Variants in HJURP observed in about 807,000 individuals in gnomAD.
HJURP encodes the protein Holliday junction recognition protein, also known as 14-3-3-associated AKT substrate.
HJURP carries 49 observed loss-of-function variants against 72.0 expected under a neutral mutation model. That is an observed-to-expected ratio of 0.68 (90% confidence interval 0.54 to 0.86). The LOEUF (loss-of-function observed/expected upper bound fraction) is 0.86, where lower values mean the gene tolerates loss of function less well. HJURP is among the 40% of genes least tolerant of loss of function. HJURP has a pLI of 0.00. For synonymous variants in HJURP, 357 were observed against 347.1 expected (o/e 1.03, Z -0.32); for missense variants, 908 against 936.3 (o/e 0.97, Z 0.39).
In HJURP at chr2:233,837,647, T is replaced by G; in HGVS notation, c.2177A>C (p.Glu726Ala). The change falls in exon 9 of 9, where the codon GAG becomes GCG. Residue 726 changes from glutamate to alanine, a missense_variant. Physicochemically the swap from Glu to Ala is moderately radical, Grantham distance 107. Around this residue, in one of 3 missense-constraint regions of HJURP, gnomAD observed 598 missense variants for 619.5 expected, o/e 0.97. Transcript: ENST00000411486. Reference protein sequence around the residue: ...SSQPNSEERGENTSYRMEEKS... With the variant: ...SSQPNSEERGANTSYRMEEKS... ...CTCTTCCATCCTGTAAGACGTGTTC[T>G]CTCCTCTAGGAAAAAAAAAAGACAA... The G allele has an allele frequency of 2.5e-6, 4 of 1,597,916 alleles. No individual in the cohort carries two copies. The South Asian group carries it at 3.4e-5, about 14-fold the overall frequency.
chr2:233,850,860 ATT>A (rs1422677913), intron 3 of HJURP, among the ~76,000 whole-genome samples: 3 of 152,204 alleles, frequency 2.0e-5, no homozygotes, highest in Admixed American at 6.5e-5. Context: ...GAACCCAGGC[ATT>A]GTGTTATAAC....
In HJURP at chr2:233,846,457, A is replaced by G. The variant is rs1213919249; in HGVS notation, c.403-637T>C. Among the ~76,000 whole-genome samples, 1 of 152,090 alleles carries G rather than the reference A, an allele frequency of 6.6e-6. No homozygotes were observed. Among genetic ancestry groups the G allele is most frequent in the Non-Finnish European group, 1.5e-5 (1 of 68,028 alleles). ...ACAGAGTGAAACTCCATCTCAAAAGAACCAAAAACAAAAACAGAAATTCAG... is the reference window on the plus strand; with the variant it reads ...ACAGAGTGAAACTCCATCTCAAAAGGACCAAAAACAAAAACAGAAATTCAG... On this transcript the variant is annotated intron_variant, in intron 5 of 8. Coordinates refer to ENST00000411486, the MANE Select transcript of HJURP (RefSeq NM_018410.5). This position sits in a 1 kb window ranked among gnomAD's most constrained non-coding sequence, Gnocchi z 4.3.
Position 233,841,492 on chromosome 2 carries a change from G to C in HJURP, c.1288C>G (p.Arg430Gly). 6.2e-7 allele frequency: 1 copy of C among 1,614,092 alleles called. No individual in the cohort carries two copies. Among genetic ancestry groups the C allele is most frequent in the Non-Finnish European group, 8.5e-7 (1 of 1,180,006 alleles). The change falls in exon 8 of 9, where the codon CGT (arginine) becomes GGT (glycine). Residue 430 changes from arginine (R) to glycine (G), a missense_variant. Coordinates refer to ENST00000411486, the MANE Select transcript of HJURP (RefSeq NM_018410.5). ...PTIRQGHGENRQREIEIRFDQ... is the reference protein window; with the variant it reads ...PTIRQGHGENGQREIEIRFDQ... ...AATCGGATTTCAATCTCCCTCTGAC[G>C]GTTCTCTCCATGGCCCTGTCGTATT...
At chr2:233,852,257 C>T (rs975154578) in intron 3 of HJURP, among the ~76,000 whole-genome samples, 5 of 152,200 alleles carry the variant, frequency 3.3e-5, no homozygotes, top group African/African-American at 9.6e-5. Flanking sequence ...TGGGCTGGCA[C>T]GTGACCTTGG....
chr2:233,843,249 C>T (rs867015502), intron 7 of HJURP, among the ~76,000 whole-genome samples: 4 of 152,110 alleles, frequency 2.6e-5, no homozygotes, highest in East Asian at 1.9e-4. Context: ...CCAGGCGATC[C>T]GCATTGCTGG....
rs778448993 is a variant in HJURP, at chr2:233,841,101, T to C, written c.1679A>G (p.Lys560Arg). The C allele has an allele frequency of 1.6e-5, 26 of 1,614,066 alleles. No homozygotes were observed. The highest frequency in any genetic ancestry group is 2.2e-5 in the Non-Finnish European group (26 of 1,180,034). The stretch of plus-strand genomic sequence containing the variant: ...TTCTTTATCTGGGACTGAAAGAGTT[T>C]TGCTGGGTGACACTGACTTTCTAAA... The part of the protein sequence containing the change: ...GIFRKSVSPS[K>R]TLSVPDKEVP... The change falls in exon 8 of 9, where the codon AAA becomes AGA. Residue 560 changes from lysine to arginine, a missense_variant. By Grantham distance (26) the Lys-to-Arg change is conservative. This residue lies in a region of HJURP where 598 missense variants were observed against 619.5 expected (regional missense o/e 0.97). Transcript: ENST00000411486.
Position 233,841,987 on chromosome 2 carries a change from C to A in HJURP, c.793G>T (p.Ala265Ser), listed in dbSNP as rs142023184. 2.5e-6 allele frequency: 4 copies of A among 1,614,156 alleles called. No individual in the cohort carries two copies. The highest frequency in any genetic ancestry group is 1.1e-5 in the South Asian group (1 of 91,076). ...CGGCTCATGGAGTGCAGCATCCCTG[C>A]GTACAGGTCACTGATGGTCACATTG... ...ICNVTISDLY[A>S]GMLHSMSRLL... The change falls in exon 8 of 9, where the codon GCA (alanine) becomes TCA (serine). Residue 265 changes from alanine to serine, a missense_variant. Around this residue, in one of 3 missense-constraint regions of HJURP, gnomAD observed 598 missense variants for 619.5 expected, o/e 0.97. Coordinates refer to ENST00000411486, the MANE Select transcript of HJURP (RefSeq NM_018410.5).
intron 7 of HJURP, among the ~76,000 whole-genome samples, chr2:233,842,809 T>C (rs1165508209): frequency 3.9e-5 from 6 of 152,234 alleles, no homozygotes; most frequent in Admixed American, 3.9e-4. Context: ...GGTGCTGCAA[T>C]GCTAGAGTTA....
chr2:233,844,800 C>T (rs1329561043), intron 6 of HJURP, among the ~76,000 whole-genome samples: 3 of 120,972 alleles, frequency 2.5e-5, no homozygotes, highest in African/African-American at 7.8e-5. Context: ...TAAGAAAACA[C>T]ATACACCCCT....
chr2:233,837,614 T>A lies in HJURP; in HGVS notation c.2210A>T (p.Asp737Val). 1 of 1,611,906 alleles carries A rather than the reference T, an allele frequency of 6.2e-7. No individual in the cohort carries two copies. The highest frequency in any genetic ancestry group is 8.5e-7 in the Non-Finnish European group (1 of 1,178,714). ...AGTTTCCAATTTTTCTAGCATGAAA[T>A]CACTTTTCTCTTCCATCCTGTAAGA... ...NTSYRMEEKSDFMLEKLETKS... is the reference protein window; with the variant it reads ...NTSYRMEEKSVFMLEKLETKS... Residue 737 changes from aspartate to valine, a missense_variant, in exon 9 of 9, where the codon GAT (aspartate) becomes GTT (valine). Transcript: ENST00000411486.
Position 233,846,815 on chromosome 2 carries a change from G to A in HJURP, c.402+582C>T, listed in dbSNP as rs1333303296. On this transcript the variant is annotated intron_variant, in intron 5 of 8. Coordinates refer to ENST00000411486, the MANE Select transcript of HJURP (RefSeq NM_018410.5). The surrounding 1 kb of genome is among the most constrained non-coding windows in gnomAD (Gnocchi z 4.3). ...GGGGCCAGGAAAGATGCTGGAGCTG[G>A]TTAAGCTCTGTGTAAATTCGCATCT... Among the ~76,000 whole-genome samples, 1 of 152,206 alleles carries A rather than the reference G, an allele frequency of 6.6e-6. No individual in the cohort carries two copies. Among genetic ancestry groups the A allele is most frequent in the Admixed American group, 6.5e-5 (1 of 15,288 alleles).
intron 8 of HJURP, among the ~76,000 whole-genome samples, chr2:233,840,325 G>A (rs1353326432): frequency 6.6e-6 from 1 of 152,198 alleles, no homozygotes; most frequent in Non-Finnish European, 1.5e-5. Flanking sequence ...GTGAGGATTT[G>A]CAGGAAAAAA....
In HJURP at chr2:233,840,673, C is replaced by G; in HGVS notation, c.2107G>C (p.Gly703Arg). ...CCCGGTCTGACGGTGTTGTCCACCC[C>G]ATCTGAGGCACCCAGGGAATTGCCC... The part of the protein sequence containing the change: ...RQGNSLGASD[G>R]VDNTVRPGDQ... The change falls in exon 8 of 9, where the codon GGG (glycine) becomes CGG (arginine). Residue 703 changes from glycine to arginine, a missense_variant. Around this residue, in one of 3 missense-constraint regions of HJURP, gnomAD observed 598 missense variants for 619.5 expected, o/e 0.97. Coordinates refer to ENST00000411486, the MANE Select transcript of HJURP (RefSeq NM_018410.5). 1.2e-6 allele frequency: 2 copies of G among 1,613,776 alleles called. No homozygotes were observed. Among genetic ancestry groups the G allele is most frequent in the East Asian group, 2.2e-5 (1 of 44,862 alleles).
In HJURP at chr2:233,840,849, A is replaced by T. The variant is rs974190455; in HGVS notation, c.1931T>A (p.Leu644Gln). 3 of 1,613,966 alleles carry T rather than the reference A, an allele frequency of 1.9e-6. No individual in the cohort carries two copies. Among genetic ancestry groups the T allele is most frequent in the Non-Finnish European group, 2.5e-6 (3 of 1,180,026 alleles). ...GCCCAGTAGACTTTTTCTGCACCCC[A>T]GGGGTGATGATGGCAACTTCTGGAA... ...QGFQKLPSSPLGCRKSLLGST... is the reference protein window; with the variant it reads ...QGFQKLPSSPQGCRKSLLGST... The change falls in exon 8 of 9, where the codon CTG becomes CAG. Residue 644 changes from leucine (L) to glutamine (Q), a missense_variant. Around this residue, in one of 3 missense-constraint regions of HJURP, gnomAD observed 598 missense variants for 619.5 expected, o/e 0.97. Coordinates refer to ENST00000411486, the MANE Select transcript of HJURP (RefSeq NM_018410.5).
At chr2:233,848,919 G>A (rs971596798) in intron 4 of HJURP, among the ~76,000 whole-genome samples, 1 of 152,190 alleles carries the variant, frequency 6.6e-6, no homozygotes, top group African/African-American at 2.4e-5. Context: ...AAAACTGGAG[G>A]AGCATGGGGC....
chr2:233,844,932 G>A (rs1346931687), intron 6 of HJURP, among the ~76,000 whole-genome samples: 1 of 152,144 alleles, frequency 6.6e-6, no homozygotes, highest in Non-Finnish European at 1.5e-5. Context: ...AGAGGGGTTG[G>A]CAGGTGAGTG....
intron 3 of HJURP, 111 bp from the exon 4 acceptor site, chr2:233,849,970 A>G: frequency 3.0e-6 from 2 of 673,316 alleles, no homozygotes; most frequent in Non-Finnish European, 5.2e-6. Context: ...AGACAGCAAG[A>G]GCCTGCCACA....
chr2:233,854,138 T>C, intron 1 of HJURP, among the ~76,000 whole-genome samples: 1 of 149,750 alleles, frequency 6.7e-6, no homozygotes, highest in African/African-American at 2.5e-5. Context: ...GCTTCCCCAC[T>C]CCCCGTTCCG....
At chr2:233,848,523 C>T (rs544772483) in intron 4 of HJURP, among the ~76,000 whole-genome samples, 67 of 152,238 alleles carry the variant, frequency 4.4e-4, no homozygotes, top group African/African-American at 1.5e-3. Flanking sequence ...TGAGAGCTAA[C>T]GAAGCACAAG....
Sources: allele counts gnomAD v4.1 joint callset (sites outside exome capture counted in the v4.1 genomes callset), GRCh38; gene constraint gnomAD v4.1.1; regional missense constraint gnomAD v4.1.1; non-coding constraint Gnocchi (gnomAD v3.1); transcripts MANE v1.5; gene names NCBI Gene and HGNC (gene_info 2026-07-23, HGNC 2026-07-21).